The following SLC12A8 variants were observed in gnomAD, a reference collection of about 807,000 sequenced individuals.
The protein encoded by SLC12A8 is cation-chloride cotransporter 9.
SLC12A8 carries 69 observed loss-of-function variants against 75.6 expected under a neutral mutation model. The observed-to-expected ratio is 0.91, with a 90% CI of 0.75 to 1.11. The LOEUF is 1.11. Ranked by LOEUF, SLC12A8 falls within the 50% of genes most tolerant of loss-of-function variation. SLC12A8 has a pLI of 0.00. For synonymous variants in SLC12A8, 365 were observed against 372.8 expected, an observed-to-expected ratio of 0.98 and a Z score of 0.24; for missense variants, 877 against 896.7, an observed-to-expected ratio of 0.98 and a Z score of 0.28.
At chr3:125,124,347 G>C (rs1418965501) in intron 6 of SLC12A8, among the ~76,000 whole-genome samples, 1 of 151,850 alleles carries the variant, frequency 6.6e-6, no homozygotes. Flanking sequence ...TTTTTTTTGA[G>C]ATGGAGTTTC....
chr3:125,196,019 T>C (rs960263232), intron 2 of SLC12A8, among the ~76,000 whole-genome samples: 1 of 152,196 alleles, frequency 6.6e-6, no homozygotes, highest in African/African-American at 2.4e-5. Context: ...AAACATCAGC[T>C]GCAAAAAGGT....
intron 6 of SLC12A8, among the ~76,000 whole-genome samples, chr3:125,127,503 A>G (rs1933236928): frequency 6.6e-6 from 1 of 152,258 alleles, no homozygotes; most frequent in African/African-American, 2.4e-5. Flanking sequence ...AAAATGGGTA[A>G]ATAATAGAAC....
chr3:125,105,157 A>G (rs1938992621), intron 10 of SLC12A8, among the ~76,000 whole-genome samples: 1 of 151,968 alleles, frequency 6.6e-6, no homozygotes, highest in African/African-American at 2.4e-5. Flanking sequence ...AACAATAGGA[A>G]AGAGAAAAGA....
At chr3:125,200,078 G>A (rs1935090884) in intron 2 of SLC12A8, among the ~76,000 whole-genome samples, 1 of 152,160 alleles carries the variant, frequency 6.6e-6, no homozygotes, top group Non-Finnish European at 1.5e-5. Flanking sequence ...TGAAGGAAGA[G>A]GGAAGGAAGG....
chr3:125,190,206 A>G (rs1410589596), intron 3 of SLC12A8, among the ~76,000 whole-genome samples, 169 bp downstream of exon 3: 1 of 152,154 alleles, frequency 6.6e-6, no homozygotes, highest in African/African-American at 2.4e-5. Flanking sequence ...TCTTCACAGG[A>G]TGCTCATTTA....
intron 5 of SLC12A8, among the ~76,000 whole-genome samples, chr3:125,159,675 C>G (rs1331679266): frequency 6.6e-6 from 1 of 152,220 alleles, no homozygotes; most frequent in African/African-American, 2.4e-5. Context: ...AGGCGTGAGC[C>G]ACCAGCCCCC....
chr3:125,106,775 C>T (rs1395337014), intron 10 of SLC12A8, among the ~76,000 whole-genome samples: 4 of 152,164 alleles, frequency 2.6e-5, no homozygotes, highest in African/African-American at 9.7e-5. Flanking sequence ...CAAATACAGA[C>T]AATACAATGC....
At chr3:125,170,549 A>G (rs1934385451) in intron 5 of SLC12A8, among the ~76,000 whole-genome samples, 1 of 152,212 alleles carries the variant, frequency 6.6e-6, no homozygotes, top group Admixed American at 6.5e-5. Context: ...ATTTAATTAC[A>G]CTTTTACAAA....
intron 5 of SLC12A8, among the ~76,000 whole-genome samples, chr3:125,145,807 T>G (rs1168427455): frequency 1.3e-5 from 2 of 152,200 alleles, no homozygotes; most frequent in Non-Finnish European, 2.9e-5. Context: ...CTCCCTCATC[T>G]CAAAATATCT....
intron 5 of SLC12A8, among the ~76,000 whole-genome samples, chr3:125,138,635 TACTA>T (rs1933551124): frequency 1.3e-5 from 2 of 152,162 alleles, no homozygotes; most frequent in South Asian, 4.1e-4. Context: ...CACACCGAAA[TACTA>T]ACTGTGGTTG....
intron 9 of SLC12A8, among the ~76,000 whole-genome samples, 155 bp from the exon 10 acceptor site, chr3:125,108,281 C>G (rs995307873): frequency 2.0e-5 from 3 of 152,190 alleles, no homozygotes; most frequent in African/African-American, 7.2e-5. Flanking sequence ...TAATATCCTA[C>G]TCATGGGATT....
intron 3 of SLC12A8, among the ~76,000 whole-genome samples, chr3:125,190,075 G>A (rs1224837615): frequency 6.6e-6 from 1 of 152,172 alleles, no homozygotes; most frequent in Non-Finnish European, 1.5e-5. Context: ...AGGCAAAATT[G>A]CCATCAATCT....
intron 5 of SLC12A8, among the ~76,000 whole-genome samples, chr3:125,165,712 C>T (rs749234608): frequency 1.3e-5 from 2 of 152,224 alleles, no homozygotes; most frequent in African/African-American, 2.4e-5. Context: ...CAACCTTCCA[C>T]GCAGTGTGTT....
chr3:125,196,579 A>T (rs77984512), intron 2 of SLC12A8, among the ~76,000 whole-genome samples: 2,287 of 152,226 alleles, frequency 0.015, 65 homozygotes, highest in African/African-American at 0.052. Flanking sequence ...ATATATAGAG[A>T]CCTAGATAGA....
chr3:125,170,641 G>A (rs587899), intron 5 of SLC12A8, among the ~76,000 whole-genome samples: 1 of 152,088 alleles, frequency 6.6e-6, no homozygotes, highest in Non-Finnish European at 1.5e-5. Flanking sequence ...GGGGCCGGGC[G>A]TGGTGGCTCA....
intron 5 of SLC12A8, 107 bp from the exon 6 acceptor site, chr3:125,135,889 A>T (rs957289511): frequency 1.6e-6 from 1 of 615,264 alleles, no homozygotes; most frequent in East Asian, 2.8e-5. Flanking sequence ...TTGGAAAGGT[A>T]GGGGCATGTA....
At chr3:125,126,324 G>T (rs917592615) in intron 6 of SLC12A8, among the ~76,000 whole-genome samples, 6 of 152,216 alleles carry the variant, frequency 3.9e-5, no homozygotes, top group African/African-American at 1.4e-4. Context: ...GGCACCAGGT[G>T]AACAGGGGAC....
chr3:125,195,756 A>G (rs1210029101), intron 2 of SLC12A8, among the ~76,000 whole-genome samples: 1 of 152,154 alleles, frequency 6.6e-6, no homozygotes, highest in Non-Finnish European at 1.5e-5. Flanking sequence ...AGGACCACAC[A>G]GCAGCCTCAA....
At chr3:125,189,989 G>C (rs1377529222) in intron 3 of SLC12A8, among the ~76,000 whole-genome samples, 1 of 152,144 alleles carries the variant, frequency 6.6e-6, no homozygotes, top group Non-Finnish European at 1.5e-5. Flanking sequence ...GCAGTGTGGT[G>C]GGGGAAGGCA....
Sources: gnomAD v4.1 joint callset for allele counts (sites outside exome capture counted in the v4.1 genomes callset) on GRCh38, gnomAD v4.1.1 for gene constraint, MANE v1.5 for transcripts, NCBI Gene and HGNC (gene_info 2026-07-23, HGNC 2026-07-21) for gene names.